The following ARHGAP6 variants were observed in gnomAD, a reference collection of about 807,000 sequenced individuals.
The protein encoded by ARHGAP6 is rho GTPase-activating protein 6.
Under a neutral mutation model 55.7 loss-of-function variants are expected in ARHGAP6, and 16 were observed. That is an observed-to-expected ratio of 0.29 (90% confidence interval 0.19 to 0.44). The LOEUF is 0.44. Among genes scored for constraint, ARHGAP6 ranks in the 20% least tolerant of loss-of-function variants. The pLI, the probability that ARHGAP6 is intolerant of heterozygous loss-of-function variation, is 1.00. For synonymous variants in ARHGAP6, 382 were observed against 360.9 expected, an observed-to-expected ratio of 1.06 and a Z score of -0.66; for missense variants, 698 against 808.9, an observed-to-expected ratio of 0.86 and a Z score of 1.66.
intron 1 of ARHGAP6, among the ~76,000 whole-genome samples, chrX:11,398,821 C>T (rs960251434): frequency 9.0e-6 from 1 of 111,703 alleles, no homozygotes; most frequent in Non-Finnish European, 1.9e-5. Flanking sequence ...GAAAGACAAA[C>T]ATAAAACCAG....
intron 10 of ARHGAP6, among the ~76,000 whole-genome samples, chrX:11,153,314 C>T (rs957449522): frequency 1.8e-5 from 2 of 109,577 alleles, no homozygotes; most frequent in Non-Finnish European, 3.8e-5. Context: ...ATCACAAGGT[C>T]AGGAGTTCGA....
At chrX:11,374,752 A>G (rs1443098983) in intron 1 of ARHGAP6, among the ~76,000 whole-genome samples, 1 of 112,289 alleles carries the variant, frequency 8.9e-6, no homozygotes, top group Non-Finnish European at 1.9e-5. Context: ...TCTTTGTCTG[A>G]CTATCTAAAT....
At chrX:11,647,634 G>A (rs1461049070) in intron 1 of ARHGAP6, among the ~76,000 whole-genome samples, 3 of 112,239 alleles carry the variant, frequency 2.7e-5, no homozygotes, top group African/African-American at 9.7e-5. Flanking sequence ...CTTCAGTATT[G>A]CATCTTATCA....
chrX:11,551,628 C>G (rs2051267575), intron 1 of ARHGAP6, among the ~76,000 whole-genome samples: 1 of 111,640 alleles, frequency 9.0e-6, no homozygotes, highest in Non-Finnish European at 1.9e-5. Context: ...AGGGAATAAA[C>G]AGAAGTAATC....
rs35342626 is a variant in ARHGAP6 at position 11,344,674 on chromosome X, A to G, written c.589-89967T>C. On this transcript the variant is annotated intron_variant, in intron 1 of 12. Coordinates refer to ENST00000337414, the MANE Select transcript of ARHGAP6 (RefSeq NM_013427.3). Reference sequence around the variant, plus strand: ...GTCTGGGCAACAAGAGTGAAACTCCATCACAAAAAAAAAAAAAAAAAAAAA... The same window carrying G: ...GTCTGGGCAACAAGAGTGAAACTCCGTCACAAAAAAAAAAAAAAAAAAAAA... Among the ~76,000 whole-genome samples, 3 of 71,054 alleles carry G rather than the reference A, an allele frequency of 4.2e-5. No individual in the cohort carries two copies. In the East Asian group the frequency reaches 1.1e-3, roughly 27 times the overall value. The allele number at this position is 71,054 out of a possible 115,157, so 61.7% of individuals were successfully genotyped here.
chrX:11,215,263 G>A (rs1350934910), intron 2 of ARHGAP6, among the ~76,000 whole-genome samples: 1 of 113,030 alleles, frequency 8.8e-6, no homozygotes, highest in Non-Finnish European at 1.9e-5. Context: ...CTCCCACTGA[G>A]ATAGCTGGGG....
intron 1 of ARHGAP6, among the ~76,000 whole-genome samples, chrX:11,292,940 G>C (rs1319250200): frequency 8.9e-6 from 1 of 111,760 alleles, no homozygotes; most frequent in African/African-American, 3.3e-5. Context: ...TAATTCCTCA[G>C]AGAGAAACTA....
At chrX:11,222,712 A>C (rs997223096) in intron 2 of ARHGAP6, among the ~76,000 whole-genome samples, 1 of 111,960 alleles carries the variant, frequency 8.9e-6, no homozygotes, top group African/African-American at 3.2e-5. Context: ...AGATTGCTTA[A>C]AAATACTTTA....
At chrX:11,624,497 A>G (rs1336629089) in intron 1 of ARHGAP6, among the ~76,000 whole-genome samples, 4 of 113,380 alleles carry the variant, frequency 3.5e-5, no homozygotes, top group African/African-American at 1.3e-4. Flanking sequence ...CAACCTGAAT[A>G]TATAAGGAAC....
intron 2 of ARHGAP6, among the ~76,000 whole-genome samples, chrX:11,226,888 T>C (rs986997857): frequency 8.9e-6 from 1 of 112,398 alleles, no homozygotes; most frequent in East Asian, 2.8e-4. Flanking sequence ...ATGGTTCAGA[T>C]GTATAACAGA....
At chrX:11,536,281 G>A (rs1034568650) in intron 1 of ARHGAP6, among the ~76,000 whole-genome samples, 9 of 112,170 alleles carry the variant, frequency 8.0e-5, no homozygotes, top group Middle Eastern at 4.6e-3. Context: ...AAGTGCCAGG[G>A]ACCTAATGCC....
At chrX:11,224,348 C>T (rs2047016089) in intron 2 of ARHGAP6, 12 of 522,187 alleles carry the variant, frequency 2.3e-5, no homozygotes, top group Non-Finnish European at 3.0e-5. Context: ...TTGTTGGTAT[C>T]AGGCTTAGCT....
Position 11,273,038 on chromosome X carries a change from G to T in ARHGAP6, c.589-18331C>A, listed in dbSNP as rs186849895. 1.1e-3 allele frequency among the ~76,000 whole-genome samples: 121 copies of T among 111,437 alleles called. 1 individual carries two copies. The highest frequency in any genetic ancestry group is 3.7e-3 in the African/African-American group (115 of 30,697). ...CTGTAGGGAGGAGAGAGCTATGCAT[G>T]TAACACTTATGATAAATGAACGTGT... On this transcript the variant is annotated intron_variant, in intron 1 of 12. Coordinates refer to ENST00000337414, the MANE Select transcript of ARHGAP6 (RefSeq NM_013427.3).
At chrX:11,171,944 T>C (rs1357640608) in intron 8 of ARHGAP6, among the ~76,000 whole-genome samples, 1 of 112,273 alleles carries the variant, frequency 8.9e-6, no homozygotes, top group African/African-American at 3.2e-5. Context: ...CTGGTCTATG[T>C]GAATTTTTAT....
At chrX:11,601,180 G>C (rs1010205344) in intron 1 of ARHGAP6, among the ~76,000 whole-genome samples, 1 of 111,651 alleles carries the variant, frequency 9.0e-6, no homozygotes, top group Non-Finnish European at 1.9e-5. Context: ...ATCGGGATAA[G>C]TCCTAAAGGA....
intron 1 of ARHGAP6, among the ~76,000 whole-genome samples, chrX:11,324,687 T>C (rs2048477311): frequency 8.9e-6 from 1 of 111,863 alleles, no homozygotes; most frequent in Admixed American, 9.5e-5. Flanking sequence ...CCAGGACCCT[T>C]AGTTCTTTAG....
chrX:11,154,636 G>A (rs2045839245), intron 10 of ARHGAP6, among the ~76,000 whole-genome samples: 1 of 111,953 alleles, frequency 8.9e-6, no homozygotes, highest in Non-Finnish European at 1.9e-5. Flanking sequence ...TGTTATAAGT[G>A]CAGTTTAAAT....
chrX:11,654,694 C>G (rs778981681), intron 1 of ARHGAP6, among the ~76,000 whole-genome samples: 1 of 111,388 alleles, frequency 9.0e-6, no homozygotes, highest in Admixed American at 9.5e-5. Context: ...CCACAGTAAC[C>G]AATCTCAGAA....
intron 1 of ARHGAP6, among the ~76,000 whole-genome samples, chrX:11,507,774 C>G (rs1603235994): frequency 9.0e-6 from 1 of 111,683 alleles, no homozygotes; most frequent in Admixed American, 9.5e-5. Context: ...GTCAATCCCC[C>G]ACTTTGCCCC....
Sources: gnomAD v4.1 joint callset for allele counts (sites outside exome capture counted in the v4.1 genomes callset) on GRCh38, gnomAD v4.1.1 for gene constraint, MANE v1.5 for transcripts, NCBI Gene and HGNC (gene_info 2026-07-23, HGNC 2026-07-21) for gene names.